ARHGAP10: variants seen among roughly 807,000 people sequenced by gnomAD.
The protein encoded by ARHGAP10 is Rho GTPase activating protein 10, also known as rho GTPase-activating protein 10.
In ARHGAP10, 87 loss-of-function variants were observed where a neutral mutation model predicts 108.6. That is an observed-to-expected ratio of 0.80 (90% CI 0.67 to 0.96). ARHGAP10 has a LOEUF of 0.96. Among genes scored for constraint, ARHGAP10 ranks in the 40% least tolerant of loss-of-function variants. ARHGAP10 has a pLI of 0.00. For missense variants in ARHGAP10, 939 were observed against 954.5 expected (o/e 0.98, Z 0.21); for synonymous variants, 347 against 341.1 (o/e 1.02, Z -0.19).
intron 18 of ARHGAP10, among the ~76,000 whole-genome samples, chr4:147,972,750 G>C (rs1739457773): frequency 6.6e-6 from 1 of 151,736 alleles, no homozygotes; most frequent in African/African-American, 2.4e-5. Flanking sequence ...TCTTTCAACA[G>C]TGACATTTCT....
chr4:147,891,016 A>G (rs1468941011), intron 10 of ARHGAP10, among the ~76,000 whole-genome samples: 2 of 152,248 alleles, frequency 1.3e-5, no homozygotes, highest in Non-Finnish European at 2.9e-5. Flanking sequence ...GAAAATCCTC[A>G]TACACTGAGA....
chr4:147,897,042 T>C (rs1008526034), intron 10 of ARHGAP10, among the ~76,000 whole-genome samples: 9 of 152,220 alleles, frequency 5.9e-5, no homozygotes, highest in East Asian at 1.9e-4. Flanking sequence ...ATCTCTGTGC[T>C]AATAATTATC....
chr4:147,831,818 A>C (rs1486684509), intron 3 of ARHGAP10, among the ~76,000 whole-genome samples: 1 of 152,210 alleles, frequency 6.6e-6, no homozygotes, highest in African/African-American at 2.4e-5. Context: ...GGAATAACTC[A>C]AATCAAAATT....
At chr4:148,019,964 T>C (rs1741503826) in intron 18 of ARHGAP10, among the ~76,000 whole-genome samples, 1 of 152,170 alleles carries the variant, frequency 6.6e-6, no homozygotes, top group Admixed American at 6.5e-5. Context: ...ACCAGAAGTG[T>C]TATGAATTTC....
chr4:147,734,187 G>T (rs948217702), intron 1 of ARHGAP10, among the ~76,000 whole-genome samples: 1 of 152,030 alleles, frequency 6.6e-6, no homozygotes, highest in East Asian at 1.9e-4. Flanking sequence ...TCTGGAGCTA[G>T]AGAGGTGTGG....
rs1729629008 is a variant in ARHGAP10 at position 148,061,712 on chromosome 4, A to G, written c.2028-1436A>G. Among the ~76,000 whole-genome samples, 4 of 152,084 alleles carry G rather than the reference A, an allele frequency of 2.6e-5. No homozygotes were observed. In the South Asian group the frequency reaches 6.2e-4, roughly 24 times the overall value. On this transcript the variant is annotated intron_variant, in intron 20 of 22. Transcript: ENST00000336498. ...CAAGTCAATTATGCACCAGATTTGT[A>G]AAATCCACTTTTGGTTTTAGAGCTT...
intron 1 of ARHGAP10, among the ~76,000 whole-genome samples, chr4:147,818,873 A>G (rs1016639469): frequency 1.3e-5 from 2 of 152,252 alleles, no homozygotes; most frequent in Admixed American, 6.5e-5. Flanking sequence ...GAAATAGAAT[A>G]TGGTGTGGTC....
At chr4:148,022,034 T>C (rs948486623) in intron 18 of ARHGAP10, among the ~76,000 whole-genome samples, 4 of 152,192 alleles carry the variant, frequency 2.6e-5, no homozygotes, top group Non-Finnish European at 4.4e-5. Flanking sequence ...TCCAGCATTG[T>C]TGTTAGTTGT....
At chr4:147,937,510 A>G (rs921468751) in intron 13 of ARHGAP10, among the ~76,000 whole-genome samples, 3 of 152,246 alleles carry the variant, frequency 2.0e-5, no homozygotes, top group Non-Finnish European at 2.9e-5. Flanking sequence ...GACATTTGTA[A>G]AACTTAAAAA....
chr4:147,893,516 G>T (rs1341332905), intron 10 of ARHGAP10, among the ~76,000 whole-genome samples: 1 of 145,860 alleles, frequency 6.9e-6, no homozygotes, highest in African/African-American at 2.5e-5. Flanking sequence ...GGTATAATAA[G>T]AATATATATA....
At chr4:148,020,903 T>C (rs1741544523) in intron 18 of ARHGAP10, among the ~76,000 whole-genome samples, 1 of 152,176 alleles carries the variant, frequency 6.6e-6, no homozygotes, top group South Asian at 2.1e-4. Flanking sequence ...TTGAACTCAT[T>C]TACACTCCCA....
chr4:147,983,414 T>C (rs889450848), intron 18 of ARHGAP10, among the ~76,000 whole-genome samples: 1 of 151,494 alleles, frequency 6.6e-6, no homozygotes, highest in African/African-American at 2.4e-5. Context: ...CTCCATCTCC[T>C]GAGCTCGTGA....
intron 13 of ARHGAP10, among the ~76,000 whole-genome samples, chr4:147,924,659 A>G (rs1737385855): frequency 6.6e-6 from 1 of 152,206 alleles, no homozygotes; most frequent in African/African-American, 2.4e-5. Flanking sequence ...GTGACATTTT[A>G]TGGTACACTG....
Position 148,063,769 on chromosome 4 carries a change from C to T in ARHGAP10, c.2180+469C>T, listed in dbSNP as rs552582947. 3.5e-4 allele frequency among the ~76,000 whole-genome samples: 54 copies of T among 152,320 alleles called. No homozygotes were observed. The South Asian group carries it at 0.011, about 30-fold the overall frequency. Reference sequence around the variant, plus strand: ...TTCCTGTCAGTGGCTTCCCCCACACCAGTGAGGTGAGGCGTTTCCTTTGGA... The same window carrying T: ...TTCCTGTCAGTGGCTTCCCCCACACTAGTGAGGTGAGGCGTTTCCTTTGGA... On this transcript the variant is annotated intron_variant, in intron 21 of 22. Coordinates refer to ENST00000336498, the MANE Select transcript of ARHGAP10 (RefSeq NM_024605.4).
At chr4:147,981,092 CT>C (rs1422588151) in intron 18 of ARHGAP10, among the ~76,000 whole-genome samples, 3 of 151,988 alleles carry the variant, frequency 2.0e-5, no homozygotes. Context: ...TTAGTTATTT[CT>C]TTTCTTTTGC....
intron 18 of ARHGAP10, among the ~76,000 whole-genome samples, chr4:148,022,061 G>A (rs928507162): frequency 6.6e-6 from 1 of 152,282 alleles, no homozygotes; most frequent in Non-Finnish European, 1.5e-5. Flanking sequence ...ATACACATAT[G>A]TAAGTGATAT....
intron 13 of ARHGAP10, among the ~76,000 whole-genome samples, chr4:147,935,427 A>G (rs1737883881): frequency 6.6e-6 from 1 of 152,270 alleles, no homozygotes; most frequent in Admixed American, 6.5e-5. Flanking sequence ...CATGAAATTC[A>G]GGACTGTGTT....
At chr4:147,732,852 G>A (rs531576849) in intron 1 of ARHGAP10, among the ~76,000 whole-genome samples, 45 of 152,348 alleles carry the variant, frequency 3.0e-4, no homozygotes, top group African/African-American at 1.0e-3. Context: ...GCATCTGTTT[G>A]CCTAGTTTTG....
At chr4:147,882,678 T>C (rs1735378655) in intron 10 of ARHGAP10, among the ~76,000 whole-genome samples, 1 of 152,200 alleles carries the variant, frequency 6.6e-6, no homozygotes, top group Non-Finnish European at 1.5e-5. Flanking sequence ...CTCCTTCTGT[T>C]TATTCAAAGG....
Sources: allele counts gnomAD v4.1 joint callset (sites outside exome capture counted in the v4.1 genomes callset), GRCh38; gene constraint gnomAD v4.1.1; transcripts MANE v1.5; gene names NCBI Gene and HGNC (gene_info 2026-07-23, HGNC 2026-07-21).